AGAP1: variants seen among roughly 807,000 people sequenced by gnomAD.
AGAP1 encodes the protein arf-GAP with GTPase, ANK repeat and PH domain-containing protein 1.
AGAP1 carries 29 observed loss-of-function variants against 105.3 expected under a neutral mutation model. The ratio of observed to expected loss-of-function variants is 0.28; its 90% CI spans 0.21 to 0.38. The LOEUF is 0.38. Ranked by LOEUF, AGAP1 falls within the 10% of genes least tolerant of loss-of-function variation. The pLI, the probability that AGAP1 is intolerant of heterozygous loss-of-function variation, is 1.00. For missense variants in AGAP1, 998 were observed against 1,165.1 expected (o/e 0.86, Z 2.09); for synonymous variants, 509 against 485.9 (o/e 1.05, Z -0.63).
rs1041502245 is a variant in AGAP1, at chr2:235,908,680, G to C, written c.1156-58G>C. The C allele has an allele frequency of 1.1e-5, 16 of 1,471,110 alleles. No homozygotes were observed. In the African/African-American group the frequency reaches 2.2e-4, roughly 21 times the overall value. The allele number at this position is 1,471,110 out of a possible 1,614,324, so 91.1% of individuals were successfully genotyped here. A position where few individuals can be genotyped will look rare whatever the true frequency, so the allele number is the denominator to read the frequency against. ...CGTCTGATAGACCCTTTTGTTCTAG[G>C]TTGTAAAAGGTCTTTTTTTTTTTTT... On this transcript the variant is annotated intron_variant, in intron 10 of 17. Coordinates refer to ENST00000304032, the MANE Select transcript of AGAP1 (RefSeq NM_001037131.3). This position sits in a 1 kb window ranked among gnomAD's most constrained non-coding sequence, Gnocchi z 4.4.
intron 1 of AGAP1, among the ~76,000 whole-genome samples, chr2:235,500,857 A>G (rs1941531931): frequency 6.6e-6 from 1 of 152,226 alleles, no homozygotes; most frequent in African/African-American, 2.4e-5. Flanking sequence ...AGGGGAATTT[A>G]TTTACAGAGT....
chr2:235,885,244 CTCATAGTAGATATTTTCATG>C (rs1402297097), intron 10 of AGAP1, among the ~76,000 whole-genome samples: 3 of 152,200 alleles, frequency 2.0e-5, no homozygotes, highest in African/African-American at 7.2e-5. Context: ...GCCTTCCTCA[CTCATAGTAGATATTTTCATG>C]TCAAGAAATA....
At position 235,559,329 on chromosome 2, in the gene AGAP1, C is replaced by T. The variant is rs1226333185; in HGVS notation, c.163+64480C>T. Reference sequence around the variant, plus strand: ...CTGTTTGGAAGGTTGTTCTGACAAGCAAGTGCTGATGTTTTGTACTTGATC... The same window carrying T: ...CTGTTTGGAAGGTTGTTCTGACAAGTAAGTGCTGATGTTTTGTACTTGATC... On this transcript the variant is annotated intron_variant, in intron 1 of 17. Coordinates refer to ENST00000304032, the MANE Select transcript of AGAP1 (RefSeq NM_001037131.3). This position sits in a 1 kb window ranked among gnomAD's most constrained non-coding sequence, Gnocchi z 5.7. Among the ~76,000 whole-genome samples, 3 of 152,058 alleles carry T rather than the reference C, an allele frequency of 2.0e-5. No individual in the cohort carries two copies. The South Asian group carries it at 6.2e-4, about 32-fold the overall frequency.
In AGAP1 at chr2:235,889,195, C is replaced by T. The variant is rs76875203; in HGVS notation, c.1155+5746C>T. Among the ~76,000 whole-genome samples, 2,957 of 152,224 alleles carry T rather than the reference C, an allele frequency of 0.019. 44 individuals carry two copies. Among genetic ancestry groups the T allele is most frequent in the Non-Finnish European group, 0.031 (2,101 of 67,998 alleles). ...GCCAAACAAACAGTCGGTATGTGGCCGTGCTGTGCACCGAGCTCGTGGAAT... is the reference window on the plus strand; with the variant it reads ...GCCAAACAAACAGTCGGTATGTGGCTGTGCTGTGCACCGAGCTCGTGGAAT... On this transcript the variant is annotated intron_variant, in intron 10 of 17. Coordinates refer to ENST00000304032, the MANE Select transcript of AGAP1 (RefSeq NM_001037131.3). This position sits in a 1 kb window ranked among gnomAD's most constrained non-coding sequence, Gnocchi z 4.6.
intron 16 of AGAP1, among the ~76,000 whole-genome samples, chr2:236,102,219 C>G (rs186915561): frequency 3.3e-5 from 5 of 152,066 alleles, no homozygotes; most frequent in African/African-American, 9.7e-5. Context: ...AGATCGAGAC[C>G]ATCCTGGCTA....
chr2:236,002,029 G>A lies in AGAP1; in HGVS notation c.1645+33406G>A, dbSNP rs1358075012. Among the ~76,000 whole-genome samples the A allele has an allele frequency of 1.3e-5, 2 of 152,210 alleles. No individual in the cohort carries two copies. Among genetic ancestry groups the A allele is most frequent in the Non-Finnish European group, 2.9e-5 (2 of 68,046 alleles). ...CTCCATGGCTGGTCCTGGACTGGGT[G>A]AGGACACCATGAGAAACAGCTAGAC... On this transcript the variant is annotated intron_variant, in intron 13 of 17. Coordinates refer to ENST00000304032, the MANE Select transcript of AGAP1 (RefSeq NM_001037131.3). This position sits in a 1 kb window ranked among gnomAD's most constrained non-coding sequence, Gnocchi z 4.3.
chr2:235,928,050 C>A (rs1395398743), intron 11 of AGAP1, among the ~76,000 whole-genome samples: 5 of 152,166 alleles, frequency 3.3e-5, no homozygotes, highest in Non-Finnish European at 2.9e-5. Context: ...TAGAGCAGGC[C>A]CAGAAGTGCC....
At chr2:235,617,135 T>G (rs912907366) in intron 1 of AGAP1, among the ~76,000 whole-genome samples, 1 of 152,088 alleles carries the variant, frequency 6.6e-6, no homozygotes, top group Admixed American at 6.5e-5. Context: ...TTTTAAGAAT[T>G]AATCGTAATG....
chr2:235,823,623 T>C (rs549571674), intron 9 of AGAP1, among the ~76,000 whole-genome samples: 1 of 152,316 alleles, frequency 6.6e-6, no homozygotes, highest in Admixed American at 6.5e-5. Flanking sequence ...CACCAGCATT[T>C]TCTTATTCCT....
chr2:235,666,717 A>G (rs746597170), intron 1 of AGAP1, among the ~76,000 whole-genome samples: 1 of 151,382 alleles, frequency 6.6e-6, no homozygotes, highest in Non-Finnish European at 1.5e-5. Flanking sequence ...ACAAAGGTAC[A>G]GTAATTGGGA....
At chr2:236,019,015 T>C (rs1390384032) in intron 13 of AGAP1, among the ~76,000 whole-genome samples, 1 of 152,214 alleles carries the variant, frequency 6.6e-6, no homozygotes, top group African/African-American at 2.4e-5. Flanking sequence ...CCTTCTCCAC[T>C]GAACAGCCCA....
chr2:235,744,621 C>T lies in AGAP1; in HGVS notation c.397-77C>T, dbSNP rs1952789210. The T allele has an allele frequency of 6.4e-7, 1 of 1,568,848 alleles. No individual in the cohort carries two copies. Among genetic ancestry groups the T allele is most frequent in the Admixed American group, 1.7e-5 (1 of 58,684 alleles). Reference sequence around the variant, plus strand: ...GATTCCTGCAGCCCCCTGCTGCCTGCCGCCATGCAGACATCTCTGTTCTTA... The same window carrying T: ...GATTCCTGCAGCCCCCTGCTGCCTGTCGCCATGCAGACATCTCTGTTCTTA... On this transcript the variant is annotated intron_variant, in intron 4 of 17. Coordinates refer to ENST00000304032, the MANE Select transcript of AGAP1 (RefSeq NM_001037131.3). The surrounding 1 kb of genome is among the most constrained non-coding windows in gnomAD (Gnocchi z 5.2).
At position 235,864,302 on chromosome 2, in the gene AGAP1, T is replaced by C. The variant is rs2049056989; in HGVS notation, c.1051-19043T>C. On this transcript the variant is annotated intron_variant, in intron 9 of 17. Coordinates refer to ENST00000304032, the MANE Select transcript of AGAP1 (RefSeq NM_001037131.3). This position sits in a 1 kb window ranked among gnomAD's most constrained non-coding sequence, Gnocchi z 5.0. Reference sequence around the variant, plus strand: ...GAATGCCCCCATCATGTGAAGGGGTTCGGCTCACTCTGTGGCCGGCCTGGA... The same window carrying C: ...GAATGCCCCCATCATGTGAAGGGGTCCGGCTCACTCTGTGGCCGGCCTGGA... 1.3e-5 allele frequency among the ~76,000 whole-genome samples: 2 copies of C among 152,228 alleles called. No homozygotes were observed. Among genetic ancestry groups the C allele is most frequent in the Admixed American group, 1.3e-4 (2 of 15,282 alleles).
intron 11 of AGAP1, among the ~76,000 whole-genome samples, chr2:235,924,930 T>A (rs2052371073): frequency 7.2e-6 from 1 of 139,388 alleles, no homozygotes; most frequent in African/African-American, 2.9e-5. Flanking sequence ...AGAGAGCACC[T>A]GCCCGTGTCC....
At chr2:235,995,575 T>C (rs1462855483) in intron 13 of AGAP1, among the ~76,000 whole-genome samples, 1 of 152,120 alleles carries the variant, frequency 6.6e-6, no homozygotes, top group African/African-American at 2.4e-5. Context: ...CTGTGCATCA[T>C]AGATGGCAGG....
chr2:235,533,832 A>T (rs1318548268), intron 1 of AGAP1, among the ~76,000 whole-genome samples: 1 of 152,250 alleles, frequency 6.6e-6, no homozygotes, highest in Non-Finnish European at 1.5e-5. Flanking sequence ...TGCTGCAAGC[A>T]TCCATTTTGG....
intron 6 of AGAP1, among the ~76,000 whole-genome samples, chr2:235,763,786 C>T (rs576115349): frequency 3.3e-5 from 5 of 152,306 alleles, no homozygotes; most frequent in Middle Eastern, 6.8e-3. Context: ...AATAAGTCCA[C>T]GTCCTGTAAT....
chr2:235,670,644 C>T (rs1356493762), intron 1 of AGAP1: 4 of 635,308 alleles, frequency 6.3e-6, no homozygotes, highest in East Asian at 6.7e-5. Flanking sequence ...GGGAGCCTGG[C>T]CTGGGCGCCG....
rs1025282358 is a variant in AGAP1 at position 235,712,945 on chromosome 2, C to T, written c.222+3708C>T. 3.2e-4 allele frequency among the ~76,000 whole-genome samples: 48 copies of T among 152,206 alleles called. No homozygotes were observed. Among genetic ancestry groups the T allele is most frequent in the African/African-American group, 1.0e-3 (42 of 41,456 alleles). On this transcript the variant is annotated intron_variant, in intron 2 of 17. Transcript: ENST00000304032. The surrounding 1 kb of genome is among the most constrained non-coding windows in gnomAD (Gnocchi z 6.0). ...ACCATCAACTGTTAATTTCCACCAG[C>T]GTTTCAAATTAAAATGATGCCATCG...
Sources: allele counts gnomAD v4.1 joint callset (sites outside exome capture counted in the v4.1 genomes callset), GRCh38; gene constraint gnomAD v4.1.1; non-coding constraint Gnocchi (gnomAD v3.1); transcripts MANE v1.5; gene names NCBI Gene and HGNC (gene_info 2026-07-23, HGNC 2026-07-21).